Variants in SLC52A3 observed in about 807,000 individuals in gnomAD.
SLC52A3 encodes the protein solute carrier family 52 member 3.
In SLC52A3, 20 loss-of-function variants were observed where a neutral mutation model predicts 29.5. The observed-to-expected ratio is 0.68, with a 90% CI of 0.48 to 0.99. The LOEUF is 0.99. Ranked by LOEUF, SLC52A3 falls within the 50% of genes least tolerant of loss-of-function variation. The pLI is 0.00. For missense variants in SLC52A3, 548 were observed against 612.9 expected (o/e 0.89, Z 1.12); for synonymous variants, 301 against 271.0 (o/e 1.11, Z -1.09).
At chr20:776,767 C>A (rs922786818), upstream of SLC52A3, among the ~76,000 whole-genome samples, 1 of 151,216 alleles carries the variant, frequency 6.6e-6, no homozygotes, top group Non-Finnish European at 1.5e-5. Context: ...TTGGGGGTGG[C>A]CAGGTAACAG....
upstream of SLC52A3, among the ~76,000 whole-genome samples, chr20:772,184 G>T (rs376130124): frequency 1.3e-5 from 2 of 152,192 alleles, no homozygotes; most frequent in African/African-American, 4.8e-5. Context: ...TTGTATGTTC[G>T]ACAACTCCTA....
chr20:778,799 C>T (rs1714521023), upstream of SLC52A3, among the ~76,000 whole-genome samples: 2 of 151,112 alleles, frequency 1.3e-5, no homozygotes, highest in Non-Finnish European at 2.9e-5. Context: ...AGGCTGGTCT[C>T]GAACTCCTGA....
chr20:761,340 T>A, intron 4 of SLC52A3, 102 bp from the exon 5 acceptor site: 1 of 1,288,982 alleles, frequency 7.8e-7, no homozygotes, highest in Non-Finnish European at 1.0e-6. Flanking sequence ...CGGAATACTC[T>A]CTAGGTGCGA....
In SLC52A3 at chr20:768,473, C is replaced by G. The variant is rs1310414709; in HGVS notation, c.-228G>C. On this transcript the variant is annotated 5_prime_UTR_variant, in exon 1 of 5. Transcript: ENST00000645534. ...TCACGCTGCAGTCTTTAACTCCATA[C>G]TTCTTCCTTCTAGTACAAAGCAGGA... The G allele has an allele frequency of 6.6e-6, 1 of 152,240 alleles. No homozygotes were observed. The highest frequency in any genetic ancestry group is 2.4e-5 in the African/African-American group (1 of 41,452). 9.4% of individuals were successfully genotyped at this position (152,240 alleles called of 1,614,324 possible).
At chr20:772,179 T>C (rs1986860205), upstream of SLC52A3, among the ~76,000 whole-genome samples, 4 of 152,228 alleles carry the variant, frequency 2.6e-5, no homozygotes, top group South Asian at 6.2e-4. Context: ...CTTTCTTGTA[T>C]GTTCGACAAC....
chr20:777,195 C>T (rs1315427758), upstream of SLC52A3, among the ~76,000 whole-genome samples: 1 of 151,762 alleles, frequency 6.6e-6, no homozygotes, highest in Non-Finnish European at 1.5e-5. Flanking sequence ...GAGATCGCGC[C>T]GTTGCACTCC....
At chr20:770,271 C>T (rs763489484), upstream of SLC52A3, among the ~76,000 whole-genome samples, 9 of 151,964 alleles carry the variant, frequency 5.9e-5, no homozygotes, top group Non-Finnish European at 1.3e-4. The surrounding 1 kb of genome is among the most constrained non-coding windows in gnomAD (Gnocchi z 4.5). Context: ...GTTCTCGTGC[C>T]TCAGTCTCCT....
In SLC52A3 at chr20:761,689, C is replaced by T. The variant is rs1986490214; in HGVS notation, c.1197+12G>A. The T allele has an allele frequency of 1.2e-6, 2 of 1,613,342 alleles. No individual in the cohort carries two copies. Among genetic ancestry groups the T allele is most frequent in the African/African-American group, 1.3e-5 (1 of 74,944 alleles). ...TACGCAGCGGGAGCAGCCCCACCGG[C>T]CGGATACTCACAATGAGGACTTCCC... On this transcript the variant is annotated intron_variant, in intron 4 of 4. Coordinates refer to ENST00000645534, the MANE Select transcript of SLC52A3 (RefSeq NM_033409.4).
chr20:774,431 T>C (rs1054343461), intron 1 of SLC52A3, among the ~76,000 whole-genome samples: 1 of 151,994 alleles, frequency 6.6e-6, no homozygotes, highest in Non-Finnish European at 1.5e-5. Flanking sequence ...TGGACTGACT[T>C]TGAGCCCATG....
chr20:773,007 G>A (rs1367120659), upstream of SLC52A3, among the ~76,000 whole-genome samples: 3 of 152,246 alleles, frequency 2.0e-5, no homozygotes, highest in African/African-American at 7.2e-5. Flanking sequence ...GCGGGAGCCA[G>A]GTTGGAGGGG....
At chr20:763,410 G>A (rs1368043457) in intron 3 of SLC52A3, 88 bp downstream of exon 3, 1 of 1,559,718 alleles carries the variant, frequency 6.4e-7, no homozygotes, top group African/African-American at 1.4e-5. Flanking sequence ...ACCACTACAT[G>A]TACAGCCCAG....
At chr20:768,098 T>C (rs1986743238) in intron 1 of SLC52A3, among the ~76,000 whole-genome samples, 199 bp downstream of exon 1, 2 of 152,148 alleles carry the variant, frequency 1.3e-5, no homozygotes, top group Non-Finnish European at 2.9e-5. Context: ...TGTTGTGAGA[T>C]ATAAGGATGC....
chr20:764,326 C>G (rs1310056846), intron 2 of SLC52A3, among the ~76,000 whole-genome samples: 1 of 152,168 alleles, frequency 6.6e-6, no homozygotes, highest in Non-Finnish European at 1.5e-5. Flanking sequence ...CCAGACTCCA[C>G]CTGGTGCTTT....
At chr20:766,751 A>C (rs1379323088) in intron 1 of SLC52A3, among the ~76,000 whole-genome samples, 2 of 152,216 alleles carry the variant, frequency 1.3e-5, no homozygotes, top group Admixed American at 1.3e-4. Flanking sequence ...CTTGTTGCTC[A>C]CACAAAGCCT....
At chr20:762,279 G>T (rs1007839170) in intron 3 of SLC52A3, among the ~76,000 whole-genome samples, 23 of 152,184 alleles carry the variant, frequency 1.5e-4, no homozygotes, top group Admixed American at 4.6e-4. Flanking sequence ...AAGTGAAGAT[G>T]GCTGGATCGG....
At chr20:779,494 G>T, upstream of SLC52A3, among the ~76,000 whole-genome samples, 1 of 152,142 alleles carries the variant, frequency 6.6e-6, no homozygotes, top group East Asian at 1.9e-4. Context: ...ATGGTGGTGG[G>T]TGCCTGTAAT....
chr20:770,421 G>A (rs577753803), upstream of SLC52A3, among the ~76,000 whole-genome samples: 42 of 152,320 alleles, frequency 2.8e-4, no homozygotes, highest in Middle Eastern at 3.4e-3. The surrounding 1 kb of genome is among the most constrained non-coding windows in gnomAD (Gnocchi z 4.5). Flanking sequence ...GCCTCCCAGA[G>A]TGCTGGGATT....
rs1270728550 is a variant in SLC52A3, at chr20:760,725, C to A, written c.*301G>T. The A allele has an allele frequency of 1.1e-5, 5 of 445,716 alleles. No homozygotes were observed. Among genetic ancestry groups the A allele is most frequent in the African/African-American group, 2.0e-5 (1 of 51,046 alleles). 27.6% of individuals were successfully genotyped at this position (445,716 alleles called of 1,614,324 possible). On this transcript the variant is annotated 3_prime_UTR_variant, in exon 5 of 5. Transcript: ENST00000645534. This position sits in a 1 kb window ranked among gnomAD's most constrained non-coding sequence, Gnocchi z 4.9. Reference sequence around the variant, plus strand: ...CTGAAGGGACAGCCGGCTGTCCCAGCTGTTTCCCTTCTAACACCCTTGGGC... The same window carrying A: ...CTGAAGGGACAGCCGGCTGTCCCAGATGTTTCCCTTCTAACACCCTTGGGC...
upstream of SLC52A3, among the ~76,000 whole-genome samples, chr20:770,006 A>G (rs975451585): frequency 6.6e-6 from 1 of 152,246 alleles, no homozygotes; most frequent in Non-Finnish European, 1.5e-5. This position sits in a 1 kb window ranked among gnomAD's most constrained non-coding sequence, Gnocchi z 4.5. Context: ...CATGTCATCA[A>G]GCACAGGCCA....
Sources: gnomAD v4.1 joint callset for allele counts (sites outside exome capture counted in the v4.1 genomes callset) on GRCh38, gnomAD v4.1.1 for gene constraint, Gnocchi (gnomAD v3.1) non-coding constraint, MANE v1.5 for transcripts, NCBI Gene and HGNC (gene_info 2026-07-23, HGNC 2026-07-21) for gene names.